The following ZSWIM9 variants were observed in gnomAD, a reference collection of about 807,000 sequenced individuals.
The protein encoded by ZSWIM9 is uncharacterized protein ZSWIM9.
In ZSWIM9, 11 loss-of-function variants were observed where a neutral mutation model predicts 25.0. The ratio of observed to expected loss-of-function variants is 0.44; its 90% CI spans 0.28 to 0.73. ZSWIM9 has a LOEUF of 0.73. Among genes scored for constraint, ZSWIM9 ranks in the 30% least tolerant of loss-of-function variants. The probability of loss-of-function intolerance (pLI) is 0.16; values close to 1 mark genes in which losing one functional copy is unlikely to be tolerated. For synonymous variants in ZSWIM9, 562 were observed against 582.1 expected (o/e 0.97, Z 0.50); for missense variants, 1,070 against 1,296.5 (o/e 0.83, Z 2.68).
At chr19:48,183,907 A>G (rs2123276964) in intron 3 of ZSWIM9, among the ~76,000 whole-genome samples, 1 of 151,156 alleles carries the variant, frequency 6.6e-6, no homozygotes, top group South Asian at 2.1e-4. Context: ...GGCCTCCCAA[A>G]GTGCTGGGAT....
intron 2 of ZSWIM9, among the ~76,000 whole-genome samples, chr19:48,173,992 C>T (rs970037866): frequency 4.6e-5 from 7 of 152,060 alleles, no homozygotes; most frequent in Non-Finnish European, 1.0e-4. Flanking sequence ...ACTGGAACAC[C>T]GGAAGAGGTG....
chr19:48,189,470 A>G (rs1011490696), intron 3 of ZSWIM9: 27 of 153,328 alleles, frequency 1.8e-4, no homozygotes, highest in African/African-American at 6.0e-4. Flanking sequence ...CGGGAGGCTG[A>G]GGCAGGAGAA....
At chr19:48,179,724 T>C (rs139502978) in intron 2 of ZSWIM9, among the ~76,000 whole-genome samples, 1 of 152,332 alleles carries the variant, frequency 6.6e-6, no homozygotes, top group East Asian at 1.9e-4. Context: ...GGAATGAAAC[T>C]GAACAGTTTT....
Position 48,178,469 on chromosome 19 carries a change from T to C in ZSWIM9, c.276-3986T>C, listed in dbSNP as rs191715408. 7.0e-4 allele frequency among the ~76,000 whole-genome samples: 107 copies of C among 152,276 alleles called. 1 individual carries two copies. Among genetic ancestry groups the C allele is most frequent in the African/African-American group, 2.5e-3 (104 of 41,552 alleles). ...GGGGGTGTGTTACTGGGGTATTTAC[T>C]ACCTGGGAGCCAGGGTTTCTTAACT... On this transcript the variant is annotated intron_variant, in intron 2 of 3. Transcript: ENST00000614654.
intron 3 of ZSWIM9, among the ~76,000 whole-genome samples, chr19:48,191,052 T>TGTTGGG (rs2046783960): frequency 1.3e-5 from 2 of 151,124 alleles, no homozygotes; most frequent in Admixed American, 1.3e-4. Flanking sequence ...CTTATAGGGC[T>TGTTGGG]GTTGGGGTTG....
At position 48,195,774 on chromosome 19, in the gene ZSWIM9, G is replaced by T. The variant is rs1173909702; in HGVS notation, c.1710G>T (p.Trp570Cys). 2.0e-6 allele frequency: 3 copies of T among 1,494,540 alleles called. No individual in the cohort carries two copies. Among genetic ancestry groups the T allele is most frequent in the Admixed American group, 4.5e-5 (2 of 44,578 alleles). 92.6% of individuals were successfully genotyped at this position (1,494,540 alleles called of 1,614,324 possible). Reference sequence around the variant, plus strand: ...CCCAGTTGGAGGGTGAGAAAGATTGGGGACTGGAAGGTTATGTCTGGAGGG... The same window carrying T: ...CCCAGTTGGAGGGTGAGAAAGATTGTGGACTGGAAGGTTATGTCTGGAGGG... ...RGPQLEGEKD[W>C]GLEGYVWRGS... Residue 570 changes from tryptophan to cysteine, a missense_variant, in exon 4 of 4, where the codon TGG (tryptophan) becomes TGT (cysteine). Around this residue, in one of 4 missense-constraint regions of ZSWIM9, gnomAD observed 583 missense variants for 624.7 expected, o/e 0.93. Coordinates refer to ENST00000614654, the MANE Select transcript of ZSWIM9 (RefSeq NM_199341.4). This position sits in a 1 kb window ranked among gnomAD's most constrained non-coding sequence, Gnocchi z 5.8.
chr19:48,191,118 G>A (rs1294872205), intron 3 of ZSWIM9, among the ~76,000 whole-genome samples: 1 of 151,300 alleles, frequency 6.6e-6, no homozygotes, highest in Non-Finnish European at 1.5e-5. Flanking sequence ...GTGTGTGTGT[G>A]TGTGTGTGCA....
intron 3 of ZSWIM9, chr19:48,193,065 G>C (rs959914728): frequency 1.9e-5 from 3 of 155,244 alleles, no homozygotes; most frequent in African/African-American, 7.2e-5. Flanking sequence ...ATGTAGACTT[G>C]TGCTGAATAC....
chr19:48,184,395 G>A (rs557066162), intron 3 of ZSWIM9, among the ~76,000 whole-genome samples: 112 of 152,202 alleles, frequency 7.4e-4, no homozygotes, highest in Non-Finnish European at 1.4e-3. Flanking sequence ...CTTCAAGTTT[G>A]GGGTGAACTT....
At chr19:48,192,631 T>C (rs555678049) in intron 3 of ZSWIM9, among the ~76,000 whole-genome samples, 2 of 151,146 alleles carry the variant, frequency 1.3e-5, no homozygotes, top group African/African-American at 2.4e-5. Context: ...CCCGGATCTA[T>C]TGGATCCCAG....
chr19:48,187,522 A>ATAT (rs1204515271), intron 3 of ZSWIM9, among the ~76,000 whole-genome samples: 1 of 83,070 alleles, frequency 1.2e-5, no homozygotes, highest in African/African-American at 5.4e-5. Context: ...TATATATATT[A>ATAT]TATATTATAT....
intron 3 of ZSWIM9, among the ~76,000 whole-genome samples, chr19:48,189,175 G>A (rs995650580): frequency 8.5e-5 from 13 of 152,218 alleles, no homozygotes; most frequent in Non-Finnish European, 1.6e-4. Context: ...TTGCACAGCT[G>A]TGGAAGGACT....
At position 48,171,994 on chromosome 19, in the gene ZSWIM9, CTACACGCTCATCGACGTGCTCAAG is replaced by C; in HGVS notation, c.197_220del (p.Thr66_Tyr73del). The C allele has an allele frequency of 6.5e-7, 1 of 1,535,722 alleles. No homozygotes were observed. Among genetic ancestry groups the C allele is most frequent in the Non-Finnish European group, 8.7e-7 (1 of 1,146,622 alleles). On this transcript the variant is annotated inframe_deletion, in exon 2 of 4. Coordinates refer to ENST00000614654, the MANE Select transcript of ZSWIM9 (RefSeq NM_199341.4). The stretch of plus-strand genomic sequence containing the variant: ...GCCGCTGGGCCAGTGCGCCCCCGCT[CTACACGCTCATCGACGTGCTCAAG>C]TACAGCTACGTGCGGCTTGTGTGCA...
At chr19:48,187,196 T>TA (rs2037021746) in intron 3 of ZSWIM9, among the ~76,000 whole-genome samples, 1 of 142,912 alleles carries the variant, frequency 7.0e-6, no homozygotes, top group African/African-American at 2.6e-5. Flanking sequence ...TGCCTCTGAT[T>TA]TAAAAAAAAA....
At chr19:48,192,498 T>TATATACACAC (rs369454865) in intron 3 of ZSWIM9, among the ~76,000 whole-genome samples, 65 of 20,714 alleles carry the variant, frequency 3.1e-3, no homozygotes, top group African/African-American at 6.9e-3. Flanking sequence ...TATATATATA[T>TATATACACAC]ACACACACAC....
At chr19:48,177,667 G>A (rs1252139935) in intron 2 of ZSWIM9, among the ~76,000 whole-genome samples, 1 of 152,142 alleles carries the variant, frequency 6.6e-6, no homozygotes, top group Non-Finnish European at 1.5e-5. Flanking sequence ...GCAAGGGGCT[G>A]TCCTAGGGCC....
chr19:48,191,086 ATGTGTATGTGTGTGTG>A (rs1350366808), intron 3 of ZSWIM9, among the ~76,000 whole-genome samples: 2 of 142,546 alleles, frequency 1.4e-5, no homozygotes, highest in African/African-American at 2.7e-5. Flanking sequence ...TGCAGTGTGT[ATGTGTATGTGTGTGTG>A]TGTGTGTGTG....
At chr19:48,172,333 T>C (rs1016039119) in intron 2 of ZSWIM9, among the ~76,000 whole-genome samples, 10 of 151,456 alleles carry the variant, frequency 6.6e-5, no homozygotes, top group Admixed American at 1.3e-4. Context: ...TTTTTTTTTT[T>C]CGAGATGGAG....
At chr19:48,191,961 G>A (rs555635197) in intron 3 of ZSWIM9, 111 of 154,914 alleles carry the variant, frequency 7.2e-4, no homozygotes, top group Non-Finnish European at 1.1e-3. Context: ...AACTGAAGCC[G>A]TGTGTGCCTC....
Sources: gnomAD v4.1 joint callset for allele counts (sites outside exome capture counted in the v4.1 genomes callset) on GRCh38, gnomAD v4.1.1 for gene constraint, gnomAD v4.1.1 regional missense constraint, Gnocchi (gnomAD v3.1) non-coding constraint, MANE v1.5 for transcripts, NCBI Gene and HGNC (gene_info 2026-07-23, HGNC 2026-07-21) for gene names.